The following LRRC28 variants were observed in gnomAD, a reference collection of about 807,000 sequenced individuals.
LRRC28 encodes the protein leucine-rich repeat-containing protein 28.
LRRC28 carries 39 observed loss-of-function variants against 45.7 expected under a neutral mutation model. The ratio of observed to expected loss-of-function variants is 0.85; its 90% CI spans 0.66 to 1.12. The LOEUF (loss-of-function observed/expected upper bound fraction) is 1.12, where lower values mean the gene tolerates loss of function less well. Among genes scored for constraint, LRRC28 ranks in the 50% most tolerant of loss-of-function variants. The pLI is 0.00. For missense variants in LRRC28, 435 were observed against 438.5 expected (o/e 0.99, Z 0.07); for synonymous variants, 206 against 178.8 (o/e 1.15, Z -1.22).
chr15:99,289,860 G>T (rs2082065100), intron 5 of LRRC28, among the ~76,000 whole-genome samples: 1 of 142,094 alleles, frequency 7.0e-6, no homozygotes, highest in African/African-American at 2.6e-5. Flanking sequence ...GTGAACCCGG[G>T]AAGCGGAGCT....
intron 5 of LRRC28, among the ~76,000 whole-genome samples, chr15:99,310,247 A>G (rs1165637058): frequency 6.6e-6 from 1 of 152,154 alleles, no homozygotes; most frequent in Non-Finnish European, 1.5e-5. Flanking sequence ...TAAAACAACT[A>G]TTTTTCAGGG....
chr15:99,384,405 G>T (rs1304285025), intron 9 of LRRC28: 1 of 152,152 alleles, frequency 6.6e-6, no homozygotes, highest in Non-Finnish European at 1.5e-5. Flanking sequence ...TAGCATAAGA[G>T]ACTTAGCATA....
Position 99,259,833 on chromosome 15 carries a change from TAGAATAGAA to T in LRRC28, c.168+3714_168+3722del, listed in dbSNP as rs2152125124. 39 of 856,312 alleles carry T rather than the reference TAGAATAGAA, an allele frequency of 4.6e-5. 3 individuals are homozygous for T. In the South Asian group the frequency reaches 4.9e-4, roughly 11 times the overall value. The allele number at this position is 856,312 out of a possible 1,614,324, so 53.0% of individuals were successfully genotyped here. A position where few individuals can be genotyped will look rare whatever the true frequency, so the allele number is the denominator to read the frequency against. On this transcript the variant is annotated intron_variant, in intron 2 of 9. Transcript: ENST00000301981. ...TACCAGACACTAAAGCATATGGAGA[TAGAATAGAA>T]AGAATGCCTTGCCTCAGTTTGAACA...
At position 99,321,913 on chromosome 15, in the gene LRRC28, G is replaced by A. The variant is rs554495582; in HGVS notation, c.386-12010G>A. Among the ~76,000 whole-genome samples, 5 of 152,324 alleles carry A rather than the reference G, an allele frequency of 3.3e-5. No homozygotes were observed. In the East Asian group the frequency reaches 9.6e-4, roughly 29 times the overall value. On this transcript the variant is annotated intron_variant, in intron 5 of 9. Coordinates refer to ENST00000301981, the MANE Select transcript of LRRC28 (RefSeq NM_144598.5). ...TGAATAAGTAATTAAATAAGTAAATGCAGGGAGGGAATAAATAGGATGCTA... is the reference window on the plus strand; with the variant it reads ...TGAATAAGTAATTAAATAAGTAAATACAGGGAGGGAATAAATAGGATGCTA...
chr15:99,308,335 T>C (rs1481517462), intron 5 of LRRC28, among the ~76,000 whole-genome samples: 2 of 152,118 alleles, frequency 1.3e-5, no homozygotes, highest in African/African-American at 4.8e-5. Context: ...AAAAAAAAAG[T>C]CTGTTTCAAA....
At chr15:99,300,612 A>T (rs1489647936) in intron 5 of LRRC28, among the ~76,000 whole-genome samples, 1 of 152,174 alleles carries the variant, frequency 6.6e-6, no homozygotes, top group African/African-American at 2.4e-5. Context: ...GGATCACTTG[A>T]GGTCAGGAGT....
At chr15:99,384,183 T>G (rs1328040414) in intron 9 of LRRC28, 1 of 152,202 alleles carries the variant, frequency 6.6e-6, no homozygotes, top group Non-Finnish European at 1.5e-5. Context: ...TGGTGGGTCC[T>G]GAAAAGTTTT....
chr15:99,343,856 G>T (rs547906673), intron 6 of LRRC28, among the ~76,000 whole-genome samples: 4 of 152,184 alleles, frequency 2.6e-5, no homozygotes, highest in African/African-American at 9.6e-5. Context: ...TGAAGTACAC[G>T]TTCGTATTTC....
chr15:99,326,773 A>C (rs1057133894), intron 5 of LRRC28, among the ~76,000 whole-genome samples: 1 of 152,106 alleles, frequency 6.6e-6, no homozygotes, highest in African/African-American at 2.4e-5. Flanking sequence ...AATCATTTTA[A>C]GTGTTGCTGG....
intron 5 of LRRC28, among the ~76,000 whole-genome samples, chr15:99,311,154 G>A (rs1261150000): frequency 3.3e-5 from 5 of 152,110 alleles, no homozygotes; most frequent in African/African-American, 9.7e-5. Context: ...GGGACTGGGA[G>A]GGTCTTTTCT....
chr15:99,265,223 CTG>C (rs1307287889), intron 2 of LRRC28, among the ~76,000 whole-genome samples: 2 of 152,278 alleles, frequency 1.3e-5, no homozygotes, highest in South Asian at 2.1e-4. Context: ...AGAAGGTAGA[CTG>C]TGGCATTCAT....
chr15:99,276,280 C>G (rs2081615104), intron 2 of LRRC28, among the ~76,000 whole-genome samples: 2 of 150,454 alleles, frequency 1.3e-5, no homozygotes, highest in Admixed American at 1.3e-4. Flanking sequence ...GAATCATCCC[C>G]AAACCACCCC....
chr15:99,259,178 A>C (rs1376537837), intron 2 of LRRC28: 7 of 1,131,774 alleles, frequency 6.2e-6, no homozygotes, highest in Admixed American at 1.7e-5. Flanking sequence ...AGCTGACATT[A>C]CTAGCCTACA....
intron 3 of LRRC28, among the ~76,000 whole-genome samples, chr15:99,281,616 C>G (rs191344345): frequency 6.6e-6 from 1 of 152,106 alleles, no homozygotes. Flanking sequence ...GTCATATTTT[C>G]CTGATTCTTG....
At chr15:99,367,612 T>C (rs74033475) in intron 9 of LRRC28, among the ~76,000 whole-genome samples, 20,401 of 152,150 alleles carry the variant, frequency 0.13, 1,571 homozygotes, top group East Asian at 0.32. Flanking sequence ...ACATAAACTT[T>C]GGAGGGGACA....
At chr15:99,294,665 A>G (rs1297379976) in intron 5 of LRRC28, among the ~76,000 whole-genome samples, 1 of 152,194 alleles carries the variant, frequency 6.6e-6, no homozygotes, top group Non-Finnish European at 1.5e-5. Flanking sequence ...TCTCTGAGGC[A>G]TCTTTTGTAA....
At chr15:99,372,802 G>A (rs773898973) in intron 9 of LRRC28, among the ~76,000 whole-genome samples, 6 of 152,148 alleles carry the variant, frequency 3.9e-5, no homozygotes, top group African/African-American at 4.8e-5. Flanking sequence ...CCAAGACTGG[G>A]TAATTCATAA....
At chr15:99,375,157 T>A (rs2152336426) in intron 9 of LRRC28, among the ~76,000 whole-genome samples, 1 of 152,364 alleles carries the variant, frequency 6.6e-6, no homozygotes, top group Middle Eastern at 3.4e-3. Context: ...ATTTCCTCTC[T>A]ATGTAGTTTG....
At chr15:99,365,153 G>A (rs1043078451) in intron 9 of LRRC28, among the ~76,000 whole-genome samples, 6 of 152,084 alleles carry the variant, frequency 3.9e-5, no homozygotes, top group African/African-American at 1.4e-4. Flanking sequence ...TCACTTTTAT[G>A]TTATCTTTAT....
Sources: gnomAD v4.1 joint callset for allele counts (sites outside exome capture counted in the v4.1 genomes callset) on GRCh38, gnomAD v4.1.1 for gene constraint, MANE v1.5 for transcripts, NCBI Gene and HGNC (gene_info 2026-07-23, HGNC 2026-07-21) for gene names.